ADGRV1: variants seen among roughly 807,000 people sequenced by gnomAD.
ADGRV1 encodes the protein adhesion G protein-coupled receptor V1, also known as G-protein coupled receptor 98.
ADGRV1 carries 359 observed loss-of-function variants against 596.2 expected under a neutral mutation model. The ratio of observed to expected loss-of-function variants is 0.60; its 90% CI spans 0.55 to 0.66. The LOEUF (loss-of-function observed/expected upper bound fraction) is 0.66, where lower values mean the gene tolerates loss of function less well. Among genes scored for constraint, ADGRV1 ranks in the 30% least tolerant of loss-of-function variants. The pLI is 0.00. For missense variants in ADGRV1, 7,274 were observed against 7,575.6 expected (o/e 0.96, Z 1.48); for synonymous variants, 2,681 against 2,679.2 (o/e 1.00, Z -0.02).
At chr5:90,949,570 G>A (rs1225600810) in intron 83 of ADGRV1, among the ~76,000 whole-genome samples, 1 of 152,184 alleles carries the variant, frequency 6.6e-6, no homozygotes, top group African/African-American at 2.4e-5. Context: ...AAATGGAAGA[G>A]CAAGTTCCAG....
intron 83 of ADGRV1, among the ~76,000 whole-genome samples, chr5:90,958,578 G>A (rs1777710516): frequency 6.6e-6 from 1 of 152,108 alleles, no homozygotes; most frequent in African/African-American, 2.4e-5. Flanking sequence ...GCTAGAGTCT[G>A]AGTTGAAGGT....
chr5:90,726,403 C>T (rs983296007), intron 48 of ADGRV1, among the ~76,000 whole-genome samples: 2 of 152,150 alleles, frequency 1.3e-5, no homozygotes, highest in Non-Finnish European at 2.9e-5. Context: ...ATCTCATTCC[C>T]TTCTAGTTTT....
At chr5:90,714,441 ATG>A (rs907853194) in intron 42 of ADGRV1, among the ~76,000 whole-genome samples, 2 of 151,726 alleles carry the variant, frequency 1.3e-5, no homozygotes, top group African/African-American at 4.8e-5. Context: ...TTTTATTATA[ATG>A]TCTCTTATTA....
intron 83 of ADGRV1, among the ~76,000 whole-genome samples, chr5:90,869,814 G>C (rs533463468): frequency 6.6e-6 from 1 of 152,298 alleles, no homozygotes; most frequent in East Asian, 1.9e-4. Context: ...TTAGGAAATT[G>C]TGACATAAAG....
In ADGRV1 at chr5:90,745,049, A is replaced by T. The variant is rs1754453170; in HGVS notation, c.10553A>T (p.His3518Leu). The T allele has an allele frequency of 1.9e-6, 3 of 1,612,686 alleles. No homozygotes were observed. The highest frequency in any genetic ancestry group is 2.5e-6 in the Non-Finnish European group (3 of 1,178,764). Reference sequence around the variant, plus strand: ...GTTTTTTCTTTCCTTCCTGCAGCCCACATACTTCTTATTGGCCAAGATATG... The same window carrying T: ...GTTTTTTCTTTCCTTCCTGCAGCCCTCATACTTCTTATTGGCCAAGATATG... ...HSFTPASGIA[H>L]ILLIGQDMSA... Residue 3518 changes from histidine (H) to leucine (L), a missense_variant, in exon 51 of 90, where the codon CAC becomes CTC. Transcript: ENST00000405460.
chr5:90,656,043 C>A (rs527869428), intron 20 of ADGRV1, among the ~76,000 whole-genome samples: 26 of 152,184 alleles, frequency 1.7e-4, no homozygotes, highest in African/African-American at 6.3e-4. Flanking sequence ...GTGAAAGATG[C>A]CATATTCCCT....
Position 90,896,267 on chromosome 5 carries a change from G to GTTTT in ADGRV1, c.17856+32428_17856+32431dup, listed in dbSNP as rs547252109. 8.8e-3 allele frequency among the ~76,000 whole-genome samples: 748 copies of GTTTT among 84,820 alleles called. 37 individuals are homozygous for GTTTT. The highest frequency in any genetic ancestry group is 0.015 in the Middle Eastern group (1 of 68). The allele number at this position is 84,820 out of a possible 152,430, so 55.6% of individuals were successfully genotyped here. A position where few individuals can be genotyped will look rare whatever the true frequency, so the allele number is the denominator to read the frequency against. On this transcript the variant is annotated intron_variant, in intron 83 of 89. Transcript: ENST00000405460. ...AAATCTGATATTACGGTGACCAGTGGTTTTTTTTTTTTTTTTTTTTTGAGA... is the reference window on the plus strand; with the variant it reads ...AAATCTGATATTACGGTGACCAGTGGTTTTTTTTTTTTTTTTTTTTTTTTTGAGA...
chr5:90,955,737 C>T (rs969006386), intron 83 of ADGRV1, among the ~76,000 whole-genome samples: 1 of 152,132 alleles, frequency 6.6e-6, no homozygotes, highest in African/African-American at 2.4e-5. Context: ...TCTCTGTCAA[C>T]TTTATGTTGG....
chr5:90,779,001 T>G lies in ADGRV1; in HGVS notation c.12986T>G (p.Met4329Arg). 6.2e-7 allele frequency: 1 copy of G among 1,613,424 alleles called. No individual in the cohort carries two copies. The highest frequency in any genetic ancestry group is 8.5e-7 in the Non-Finnish European group (1 of 1,179,512). Residue 4329 changes from methionine (M) to arginine (R), a missense_variant, in exon 64 of 90, where the codon ATG becomes AGG. Met to Arg is a moderately conservative substitution (Grantham distance 91). Transcript: ENST00000405460. ...AGELLFEAGE[M>R]RKSLHVEILD... ...GAGCTCCTCTTTGAAGCAGGGGAGATGAGGAAAAGTCTGCATGTTGAAATC... is the reference window on the plus strand; with the variant it reads ...GAGCTCCTCTTTGAAGCAGGGGAGAGGAGGAAAAGTCTGCATGTTGAAATC...
At chr5:90,856,373 A>G (rs1005216926) in intron 82 of ADGRV1, among the ~76,000 whole-genome samples, 3 of 152,230 alleles carry the variant, frequency 2.0e-5, no homozygotes, top group African/African-American at 4.8e-5. Context: ...GAATATGCCA[A>G]CCACTGTGTT....
intron 48 of ADGRV1, among the ~76,000 whole-genome samples, chr5:90,726,221 A>T (rs550790752): frequency 6.6e-6 from 1 of 152,334 alleles, no homozygotes; most frequent in East Asian, 1.9e-4. Context: ...CATTCCTGCT[A>T]CGACAGAGAA....
chr5:90,829,064 C>A lies in ADGRV1; in HGVS notation c.16489C>A (p.Leu5497Ile). 1 of 1,612,442 alleles carries A rather than the reference C, an allele frequency of 6.2e-7. No homozygotes were observed. The highest frequency in any genetic ancestry group is 8.5e-7 in the Non-Finnish European group (1 of 1,178,992). The change falls in exon 77 of 90, where the codon CTT (leucine) becomes ATT (isoleucine). Residue 5497 changes from leucine (L) to isoleucine (I), a missense_variant. Transcript: ENST00000405460. Reference sequence around the variant, plus strand: ...CTTAGAAAGTGATGAATCTCAAAGCCTTGTGTATTTTTCTGTGGGTTCTCG... The same window carrying A: ...CTTAGAAAGTGATGAATCTCAAAGCATTGTGTATTTTTCTGTGGGTTCTCG... Reference protein sequence around the residue: ...KILESDESQSLVYFSVGSRLA... With the variant: ...KILESDESQSIVYFSVGSRLA...
intron 53 of ADGRV1, among the ~76,000 whole-genome samples, chr5:90,751,253 A>T (rs948589515): frequency 4.6e-5 from 7 of 152,164 alleles, no homozygotes; most frequent in African/African-American, 1.7e-4. Context: ...ACTGAGGTTG[A>T]TTGCAACTGA....
At chr5:91,080,766 G>C (rs191070024) in intron 86 of ADGRV1, among the ~76,000 whole-genome samples, 5 of 151,712 alleles carry the variant, frequency 3.3e-5, no homozygotes, top group African/African-American at 1.2e-4. Flanking sequence ...ATTTAATTTC[G>C]TACAGTTGTG....
At chr5:91,078,304 A>G (rs2126482075) in intron 86 of ADGRV1, among the ~76,000 whole-genome samples, 1 of 152,318 alleles carries the variant, frequency 6.6e-6, no homozygotes, top group Non-Finnish European at 1.5e-5. Context: ...GTCGTTTTTA[A>G]AATTTCAAAT....
chr5:90,665,126 A>G (rs1473345463), intron 21 of ADGRV1, among the ~76,000 whole-genome samples: 3 of 149,840 alleles, frequency 2.0e-5, no homozygotes, highest in South Asian at 2.1e-4. Flanking sequence ...TGCTGGCCTC[A>G]TAAAATGAGT....
At chr5:90,841,822 T>C (rs936072141) in intron 78 of ADGRV1, among the ~76,000 whole-genome samples, 1 of 152,216 alleles carries the variant, frequency 6.6e-6, no homozygotes, top group African/African-American at 2.4e-5. Context: ...TAGTCGTGCA[T>C]ACTTTCCATC....
chr5:90,925,444 G>T (rs1046565969), intron 83 of ADGRV1, among the ~76,000 whole-genome samples: 2 of 152,110 alleles, frequency 1.3e-5, no homozygotes, highest in South Asian at 2.1e-4. Context: ...TCTATTATTG[G>T]TGTATAAGAG....
intron 70 of ADGRV1, among the ~76,000 whole-genome samples, chr5:90,795,286 A>G (rs1379545693): frequency 6.6e-6 from 1 of 152,054 alleles, no homozygotes; most frequent in Non-Finnish European, 1.5e-5. Context: ...GCAGTCTGAG[A>G]TTGACCTGGG....
Sources: allele counts gnomAD v4.1 joint callset (sites outside exome capture counted in the v4.1 genomes callset), GRCh38; gene constraint gnomAD v4.1.1; transcripts MANE v1.5; gene names NCBI Gene and HGNC (gene_info 2026-07-23, HGNC 2026-07-21).